The following CCDC62 variants were observed in gnomAD, a reference collection of about 807,000 sequenced individuals.
The protein encoded by CCDC62 is coiled-coil domain-containing protein 62.
A neutral mutation model predicts 80.8 loss-of-function variants in CCDC62; 72 were observed. The ratio of observed to expected loss-of-function variants is 0.89; its 90% CI spans 0.74 to 1.08. The LOEUF (loss-of-function observed/expected upper bound fraction) is 1.08. CCDC62 is among the 50% of genes least tolerant of loss of function. The pLI, the probability that CCDC62 is intolerant of heterozygous loss-of-function variation, is 0.00. For synonymous variants in CCDC62, 286 were observed against 296.5 expected, an observed-to-expected ratio of 0.96 and a Z score of 0.36; for missense variants, 704 against 809.4, an observed-to-expected ratio of 0.87 and a Z score of 1.58.
At chr12:122,792,253 C>G (rs1593795142) in intron 6 of CCDC62, 132 bp downstream of exon 6, 1 of 586,974 alleles carries the variant, frequency 1.7e-6, no homozygotes, top group East Asian at 2.9e-5. Context: ...CAGGGTCTTG[C>G]TCTGTCACCC....
Position 122,781,417 on chromosome 12 carries a change from G to T in CCDC62, c.396+87G>T. 2.3e-6 allele frequency: 3 copies of T among 1,297,214 alleles called. No individual in the cohort carries two copies. The South Asian group carries it at 3.7e-5, about 16-fold the overall frequency. 80.4% of individuals were successfully genotyped at this position (1,297,214 alleles called of 1,614,324 possible). On this transcript the variant is annotated intron_variant, in intron 3 of 12. Coordinates refer to ENST00000253079, the MANE Select transcript of CCDC62 (RefSeq NM_201435.5). The stretch of plus-strand genomic sequence containing the variant: ...AAAATTAGATTTGACCGGGCACGGT[G>T]GCTCACTCCTGTAATGCCAACACTT...
intron 10 of CCDC62, among the ~76,000 whole-genome samples, chr12:122,807,972 G>A (rs1003130266): frequency 3.9e-5 from 6 of 152,076 alleles, no homozygotes; most frequent in Non-Finnish European, 1.5e-5. Flanking sequence ...CTATTGTGTG[G>A]ATATATTAGG....
chr12:122,806,401 T>G, intron 10 of CCDC62, 106 bp downstream of exon 10: 6 of 604,738 alleles, frequency 9.9e-6, no homozygotes, highest in African/African-American at 2.6e-5. Context: ...TGGCTATTCC[T>G]CCGTTTTTTT....
intron 11 of CCDC62, among the ~76,000 whole-genome samples, chr12:122,821,999 C>T (rs1424492624): frequency 6.8e-6 from 1 of 147,880 alleles, no homozygotes; most frequent in African/African-American, 2.5e-5. Context: ...GAGGCTGAGG[C>T]AGGAGGATCA....
Position 122,795,578 on chromosome 12 carries a change from C to T in CCDC62, c.773-1729C>T, listed in dbSNP as rs140370203. Among the ~76,000 whole-genome samples, 485 of 152,238 alleles carry T rather than the reference C, an allele frequency of 3.2e-3. 1 individual carries two copies. Among genetic ancestry groups the T allele is most frequent in the African/African-American group, 0.011 (468 of 41,556 alleles). The stretch of plus-strand genomic sequence containing the variant: ...AGCTGGGACTACAGGCGCCCGCCAC[C>T]ATGCCCAGCTAATTTTTTGTATTTT... On this transcript the variant is annotated intron_variant, in intron 6 of 12. Transcript: ENST00000253079.
chr12:122,810,897 A>G (rs1373859005), intron 10 of CCDC62, among the ~76,000 whole-genome samples: 3 of 152,026 alleles, frequency 2.0e-5, no homozygotes, highest in Non-Finnish European at 2.9e-5. Flanking sequence ...GGAAACCATC[A>G]TTCTCAGCAA....
intron 10 of CCDC62, among the ~76,000 whole-genome samples, chr12:122,808,868 A>G (rs1056781286): frequency 1.3e-5 from 2 of 152,180 alleles, no homozygotes; most frequent in African/African-American, 4.8e-5. Context: ...TCCCACCATC[A>G]GTGTGGTGCT....
At chr12:122,797,453 AT>A in intron 7 of CCDC62, 58 bp downstream of exon 7, 1 of 935,688 alleles carries the variant, frequency 1.1e-6, no homozygotes, top group African/African-American at 1.6e-5. Context: ...CAAATAGCAA[AT>A]TAGGAAAAAT....
At chr12:122,804,978 G>A (rs550165013) in intron 9 of CCDC62, among the ~76,000 whole-genome samples, 9 of 150,714 alleles carry the variant, frequency 6.0e-5, no homozygotes, top group South Asian at 4.2e-4. Context: ...TCTGCCTCCC[G>A]GGTTCAAGCG....
At position 122,801,228 on chromosome 12, in the gene CCDC62, T is replaced by C. The variant is rs141587850; in HGVS notation, c.1082T>C (p.Met361Thr). 899 of 1,614,098 alleles carry C rather than the reference T, an allele frequency of 5.6e-4. 6 individuals are homozygous for C. In the African/African-American group the frequency reaches 0.011, roughly 20 times the overall value. The change falls in exon 9 of 13, where the codon ATG becomes ACG. Residue 361 changes from methionine (M) to threonine (T), a missense_variant. By Grantham distance (81) the Met-to-Thr change is moderately conservative. Transcript: ENST00000253079. ...TTTAAGGACCAGAAATTTGAAGCCA[T>C]GTTGGTTCAGCAAAATAGGTCAGAC... Reference protein sequence around the residue: ...SLFKDQKFEAMLVQQNRSDKS... With the variant: ...SLFKDQKFEATLVQQNRSDKS...
chr12:122,816,543 T>C (rs980985117), intron 11 of CCDC62, among the ~76,000 whole-genome samples: 3 of 152,086 alleles, frequency 2.0e-5, no homozygotes, highest in African/African-American at 4.8e-5. Flanking sequence ...CTGGGCAACA[T>C]TGAAAAACCC....
chr12:122,806,240 A>G lies in CCDC62; in HGVS notation c.1796A>G (p.Lys599Arg). ...EDETESSSNKKNSPTSLLIYK... is the reference protein window; with the variant it reads ...EDETESSSNKRNSPTSLLIYK... ...GAGACGGAGTCCTCTTCCAATAAAA[A>G]GAACTCACCTACGAGTTTGTTAATC... The change falls in exon 10 of 13, where the codon AAG becomes AGG. Residue 599 changes from lysine (K) to arginine (R), a missense_variant. Physicochemically the swap from Lys to Arg is conservative, Grantham distance 26. Coordinates refer to ENST00000253079, the MANE Select transcript of CCDC62 (RefSeq NM_201435.5). The G allele has an allele frequency of 6.2e-7, 1 of 1,613,876 alleles. No homozygotes were observed. Among genetic ancestry groups the G allele is most frequent in the South Asian group, 1.1e-5 (1 of 91,048 alleles).
intron 3 of CCDC62, 42 bp from the exon 4 acceptor site, chr12:122,785,677 T>C (rs760366938): frequency 7.5e-7 from 1 of 1,336,848 alleles, no homozygotes; most frequent in Non-Finnish European, 1.1e-6. Context: ...GTGAAAGCTT[T>C]AAAAGGACTC....
intron 9 of CCDC62, among the ~76,000 whole-genome samples, 185 bp downstream of exon 9, chr12:122,802,037 A>C (rs139232708): frequency 3.3e-5 from 5 of 152,310 alleles, no homozygotes; most frequent in African/African-American, 1.2e-4. Context: ...GTCTTTAATT[A>C]TAGAGGCTCT....
chr12:122,774,934 A>T (rs552954235), intron 1 of CCDC62, among the ~76,000 whole-genome samples: 66 of 151,068 alleles, frequency 4.4e-4, no homozygotes, highest in African/African-American at 1.1e-3. Flanking sequence ...CTAAAAATAA[A>T]AAAAAAAAAA....
At position 122,777,502 on chromosome 12, in the gene CCDC62, A is replaced by G. The variant is rs775597246; in HGVS notation, c.48A>G (p.Ser16=). The G allele has an allele frequency of 1.9e-6, 3 of 1,611,494 alleles. No homozygotes were observed. The South Asian group carries it at 3.3e-5, about 18-fold the overall frequency. ...AFLAGRQNIG[S]EVEISTIEKQ... ...CTTTCTATGTTTAGAACATCGGGTCAGAAGTTGAGATTTCCACTATCGAGA... is the reference window on the plus strand; with the variant it reads ...CTTTCTATGTTTAGAACATCGGGTCGGAAGTTGAGATTTCCACTATCGAGA... Residue 16 remains serine, a synonymous_variant, in exon 2 of 13, where the codon TCA becomes TCG. Transcript: ENST00000253079.
At chr12:122,823,514 C>A in intron 12 of CCDC62, 55 bp downstream of exon 12, 1 of 883,250 alleles carries the variant, frequency 1.1e-6, no homozygotes, top group East Asian at 2.4e-5. Context: ...TAATAAGTAA[C>A]TTGGGAACAT....
chr12:122,798,033 C>A (rs2031065748), intron 7 of CCDC62, 52 bp from the exon 8 acceptor site: 10 of 889,110 alleles, frequency 1.1e-5, no homozygotes, highest in Admixed American at 8.5e-5. Context: ...ATTGTTGGTT[C>A]AGTTTAGTTT....
intron 6 of CCDC62, among the ~76,000 whole-genome samples, chr12:122,795,829 T>G (rs1264221737): frequency 6.6e-6 from 1 of 152,208 alleles, no homozygotes; most frequent in Non-Finnish European, 1.5e-5. Flanking sequence ...AGGTGAGCTC[T>G]TATAGACTGA....
Sources: gnomAD v4.1 joint callset for allele counts (sites outside exome capture counted in the v4.1 genomes callset) on GRCh38, gnomAD v4.1.1 for gene constraint, MANE v1.5 for transcripts, NCBI Gene and HGNC (gene_info 2026-07-23, HGNC 2026-07-21) for gene names.